Variants in SPEF2 observed in about 807,000 individuals in gnomAD.
SPEF2 encodes sperm flagella and cilia-associated protein 2.
SPEF2 carries 187 observed loss-of-function variants against 224.6 expected under a neutral mutation model. The observed-to-expected ratio is 0.83, with a 90% CI of 0.74 to 0.94. The LOEUF is 0.94. Ranked by LOEUF, SPEF2 falls within the 40% of genes least tolerant of loss-of-function variation. The probability of loss-of-function intolerance (pLI) is 0.00; values close to 1 mark genes in which losing one functional copy is unlikely to be tolerated. For synonymous variants in SPEF2, 715 were observed against 707.3 expected (o/e 1.01, Z -0.17); for missense variants, 2,170 against 2,135.6 (o/e 1.02, Z -0.32).
chr5:35,766,237 C>T (rs547119910), intron 26 of SPEF2, among the ~76,000 whole-genome samples: 51 of 152,012 alleles, frequency 3.4e-4, no homozygotes, highest in Admixed American at 1.1e-3. Flanking sequence ...TGGTAGCATT[C>T]ACTAAGAGGC....
intron 29 of SPEF2, among the ~76,000 whole-genome samples, chr5:35,778,631 G>A (rs1172249452): frequency 6.6e-6 from 1 of 152,120 alleles, no homozygotes; most frequent in African/African-American, 2.4e-5. Flanking sequence ...TTCTTTGACA[G>A]AAATAGAGAA....
intron 23 of SPEF2, among the ~76,000 whole-genome samples, chr5:35,745,006 C>T (rs1748255749): frequency 6.6e-6 from 1 of 152,212 alleles, no homozygotes; most frequent in South Asian, 2.1e-4. Context: ...GGGAGACCCT[C>T]CTCTCCTGAA....
At position 35,675,621 on chromosome 5, in the gene SPEF2, A is replaced by G. The variant is rs1751878339; in HGVS notation, c.1524+5394A>G. The G allele has an allele frequency of 2.9e-5, 5 of 170,866 alleles. No individual in the cohort carries two copies. In the South Asian group the frequency reaches 7.1e-4, roughly 24 times the overall value. The allele number at this position is 170,866 out of a possible 1,614,324, so 10.6% of individuals were successfully genotyped here. On this transcript the variant is annotated intron_variant, in intron 10 of 36. Transcript: ENST00000356031. ...AGTGGCGCAATCTCGGCTGGCTGCA[A>G]GCTCCGCCTCCCTCCCAGTAGCCAG...
chr5:35,737,899 T>C (rs1458651635), intron 21 of SPEF2, among the ~76,000 whole-genome samples: 1 of 152,118 alleles, frequency 6.6e-6, no homozygotes, highest in Non-Finnish European at 1.5e-5. Flanking sequence ...TTTTAATGAT[T>C]GCCATTCTAA....
chr5:35,726,979 A>C (rs1744756937), intron 20 of SPEF2, among the ~76,000 whole-genome samples: 1 of 79,082 alleles, frequency 1.3e-5, no homozygotes, highest in African/African-American at 4.2e-5. Context: ...TTTCTTCCCA[A>C]GCACCCCCCC....
At chr5:35,740,758 C>G (rs945821537) in intron 23 of SPEF2, among the ~76,000 whole-genome samples, 20 of 152,144 alleles carry the variant, frequency 1.3e-4, no homozygotes, top group African/African-American at 4.8e-4. Flanking sequence ...AGTGCCCCAG[C>G]AAGCACAATA....
At chr5:35,751,918 C>A (rs1749719388) in intron 23 of SPEF2, among the ~76,000 whole-genome samples, 1 of 152,108 alleles carries the variant, frequency 6.6e-6, no homozygotes, top group Non-Finnish European at 1.5e-5. Context: ...GGTCCCCAAC[C>A]TTTTTGGCAC....
chr5:35,761,670 C>T (rs1042248279), intron 25 of SPEF2, among the ~76,000 whole-genome samples: 2 of 151,652 alleles, frequency 1.3e-5, no homozygotes, highest in African/African-American at 4.9e-5. Flanking sequence ...TGAAAGAGAT[C>T]TTTGAGATTA....
In SPEF2 at chr5:35,646,817, A is replaced by G; in HGVS notation, c.726+10A>G. 6.2e-7 allele frequency: 1 copy of G among 1,613,352 alleles called. No individual in the cohort carries two copies. Among genetic ancestry groups the G allele is most frequent in the Non-Finnish European group, 8.5e-7 (1 of 1,179,692 alleles). ...GAAAAAAGAGGCAGAAGTAAGTGAT[A>G]ATCCTTTAATATTGTGCTGTGTTTA... On this transcript the variant is annotated intron_variant, in intron 5 of 36. Coordinates refer to ENST00000356031, the MANE Select transcript of SPEF2 (RefSeq NM_024867.4).
At chr5:35,672,615 G>A (rs1233379501) in intron 10 of SPEF2, among the ~76,000 whole-genome samples, 1 of 151,534 alleles carries the variant, frequency 6.6e-6, no homozygotes, top group Non-Finnish European at 1.5e-5. Flanking sequence ...AAGAATGATA[G>A]TATAATAGTA....
At chr5:35,772,944 A>G (rs1580679396) in intron 27 of SPEF2, among the ~76,000 whole-genome samples, 1 of 152,222 alleles carries the variant, frequency 6.6e-6, no homozygotes, top group East Asian at 1.9e-4. Flanking sequence ...AACTGAAAAT[A>G]GAGCTATGTA....
At chr5:35,697,108 T>C (rs1215791241) in intron 14 of SPEF2, among the ~76,000 whole-genome samples, 1 of 152,340 alleles carries the variant, frequency 6.6e-6, no homozygotes, top group African/African-American at 2.4e-5. Context: ...CATAAAATTC[T>C]TACTCTGGTG....
Position 35,800,092 on chromosome 5 carries a change from C to T in SPEF2, c.4955C>T (p.Ala1652Val). ...VEGVYRALSV[A>V]VGTHVFQQVK... ...GGAGTCTACAGGGCCCTCAGTGTGG[C>T]TGTTGGAACTCATGTCTTCCAACAA... The change falls in exon 34 of 37, where the codon GCT becomes GTT. Residue 1652 changes from alanine (A) to valine (V), a missense_variant. Ala to Val is a moderately conservative substitution (Grantham distance 64). Transcript: ENST00000356031. 1 of 1,614,150 alleles carries T rather than the reference C, an allele frequency of 6.2e-7. No individual in the cohort carries two copies. Among genetic ancestry groups the T allele is most frequent in the South Asian group, 1.1e-5 (1 of 91,066 alleles).
At chr5:35,671,104 G>T in intron 10 of SPEF2, 1 of 985,258 alleles carries the variant, frequency 1.0e-6, no homozygotes, top group South Asian at 4.7e-5. Flanking sequence ...ATTACAAAAT[G>T]AGTCCCGGAA....
chr5:35,621,112 A>G (rs1438856085), intron 1 of SPEF2, among the ~76,000 whole-genome samples: 6 of 152,228 alleles, frequency 3.9e-5, no homozygotes, highest in Non-Finnish European at 8.8e-5. Flanking sequence ...AAAGAAGCCA[A>G]ACATCACATG....
chr5:35,774,149 G>A (rs1753272652), intron 28 of SPEF2, 128 bp downstream of exon 28: 2 of 1,271,352 alleles, frequency 1.6e-6, no homozygotes, highest in Non-Finnish European at 2.1e-6. Flanking sequence ...AGGTTGAAAA[G>A]CACAATATTC....
intron 20 of SPEF2, among the ~76,000 whole-genome samples, chr5:35,713,691 C>T (rs1170906777): frequency 6.8e-6 from 1 of 147,948 alleles, no homozygotes; most frequent in African/African-American, 2.5e-5. Flanking sequence ...TGAGCCAAGA[C>T]TGCGCCACTG....
intron 10 of SPEF2, chr5:35,671,618 A>G: frequency 4.2e-6 from 3 of 707,182 alleles, no homozygotes; most frequent in Non-Finnish European, 5.2e-6. Context: ...TTACTTGCTA[A>G]ACAGCTCAAT....
intron 23 of SPEF2, among the ~76,000 whole-genome samples, chr5:35,742,516 G>A (rs888994007): frequency 6.6e-6 from 1 of 151,720 alleles, no homozygotes; most frequent in Non-Finnish European, 1.5e-5. Flanking sequence ...TAAATTATTA[G>A]ATTTATATCA....
Sources: gnomAD v4.1 joint callset for allele counts (sites outside exome capture counted in the v4.1 genomes callset) on GRCh38, gnomAD v4.1.1 for gene constraint, MANE v1.5 for transcripts, NCBI Gene and HGNC (gene_info 2026-07-23, HGNC 2026-07-21) for gene names.